The following EIF3J variants were observed in gnomAD, a reference collection of about 807,000 sequenced individuals.
EIF3J encodes the protein eukaryotic translation initiation factor 3, subunit 1 (alpha, 35kD).
Under a neutral mutation model 39.0 loss-of-function variants are expected in EIF3J, and 15 were observed. The ratio of observed to expected loss-of-function variants is 0.38; its 90% confidence interval spans 0.26 to 0.59. The LOEUF is 0.59. Among genes scored for constraint, EIF3J ranks in the 20% least tolerant of loss-of-function variants. The probability of loss-of-function intolerance (pLI) is 0.60; values close to 1 mark genes in which losing one functional copy is unlikely to be tolerated. For missense variants in EIF3J, 226 were observed against 308.6 expected (o/e 0.73, Z 2.00); for synonymous variants, 98 against 112.9 (o/e 0.87, Z 0.84).
intron 2 of EIF3J, among the ~76,000 whole-genome samples, chr15:44,550,410 G>T (rs1026233046): frequency 2.0e-5 from 3 of 151,922 alleles, no homozygotes; most frequent in Non-Finnish European, 4.4e-5. Flanking sequence ...TCCCACCTTA[G>T]CCTCTCAAGT....
At chr15:44,548,679 T>G (rs1297168874) in intron 2 of EIF3J, among the ~76,000 whole-genome samples, 2 of 152,178 alleles carry the variant, frequency 1.3e-5, no homozygotes, top group Non-Finnish European at 2.9e-5. Flanking sequence ...GCCTTCTTGC[T>G]CTATTATCCT....
intron 4 of EIF3J, among the ~76,000 whole-genome samples, chr15:44,553,966 G>A (rs1378172499): frequency 6.6e-6 from 1 of 152,100 alleles, no homozygotes; most frequent in Non-Finnish European, 1.5e-5. Context: ...GGTTATAGAA[G>A]TAACCCCAGT....
At chr15:44,559,706 CAA>C (rs557407192) in intron 6 of EIF3J, among the ~76,000 whole-genome samples, 32 of 125,872 alleles carry the variant, frequency 2.5e-4, no homozygotes, top group African/African-American at 6.0e-4. Context: ...GACTCCATCT[CAA>C]AAAAAAAAAA....
intron 2 of EIF3J, among the ~76,000 whole-genome samples, chr15:44,538,575 G>T (rs954944552): frequency 1.3e-5 from 2 of 152,174 alleles, no homozygotes; most frequent in Non-Finnish European, 2.9e-5. Context: ...TCCCCAGTCC[G>T]ATGAGGTTGG....
In EIF3J at chr15:44,560,635, TACTC is replaced by T. The variant is rs754178173; in HGVS notation, c.645+317_645+320del. ...CTCCCTTCTAAAATAGGAACAATAA[TACTC>T]ACTTTGCAGAGTATTTATAAGAGTA... On this transcript the variant is annotated intron_variant, in intron 7 of 7. Coordinates refer to ENST00000261868, the MANE Select transcript of EIF3J (RefSeq NM_003758.4). The T allele has an allele frequency of 1.2e-4, 42 of 350,824 alleles. 1 individual carries two copies. Among genetic ancestry groups the T allele is most frequent in the South Asian group, 4.4e-4 (7 of 15,850 alleles). The allele number at this position is 350,824 out of a possible 1,614,324, so 21.7% of individuals were successfully genotyped here.
intron 2 of EIF3J, among the ~76,000 whole-genome samples, chr15:44,548,092 T>C (rs2082069151): frequency 1.3e-5 from 2 of 152,202 alleles, no homozygotes; most frequent in African/African-American, 4.8e-5. Flanking sequence ...AAGGAAGGAC[T>C]AGCTCTAGCT....
rs1001375301 is a variant in EIF3J at position 44,562,011 on chromosome 15, TGTTATG to T, written c.*863_*868del. 2.8e-4 allele frequency: 42 copies of T among 152,630 alleles called. No individual in the cohort carries two copies. The highest frequency in any genetic ancestry group is 9.9e-4 in the African/African-American group (41 of 41,438). The allele number at this position is 152,630 out of a possible 1,614,324, so 9.5% of individuals were successfully genotyped here. On this transcript the variant is annotated 3_prime_UTR_variant, in exon 8 of 8. Transcript: ENST00000261868. ...ACCAGTTAACTACAGTTTGGTAAAT[TGTTATG>T]TTAACAATTATGACATCTGCAATGT...
At chr15:44,547,683 C>T (rs956085621) in intron 2 of EIF3J, among the ~76,000 whole-genome samples, 8 of 151,218 alleles carry the variant, frequency 5.3e-5, no homozygotes, top group African/African-American at 1.9e-4. Flanking sequence ...CTCCTGACCT[C>T]GTGATCCGCC....
chr15:44,537,745 G>C (rs1343065289), intron 2 of EIF3J, among the ~76,000 whole-genome samples: 1 of 152,254 alleles, frequency 6.6e-6, no homozygotes, highest in Non-Finnish European at 1.5e-5. Flanking sequence ...TCGCAGGAAT[G>C]AGACCGGGAA....
intron 2 of EIF3J, among the ~76,000 whole-genome samples, chr15:44,549,988 A>T (rs2082086142): frequency 6.6e-6 from 1 of 151,598 alleles, no homozygotes; most frequent in Non-Finnish European, 1.5e-5. Flanking sequence ...ATTTTATTGC[A>T]TAAATTTGTT....
chr15:44,550,375 T>G (rs1038873221), intron 2 of EIF3J, among the ~76,000 whole-genome samples: 2 of 152,152 alleles, frequency 1.3e-5, no homozygotes, highest in Admixed American at 1.3e-4. Context: ...CACTGCAGCC[T>G]TAACCTCCTG....
chr15:44,562,091 T>G lies in EIF3J; in HGVS notation c.*942T>G, dbSNP rs1384243847. Reference sequence around the variant, plus strand: ...AAATCACTGTTGTGAGGACTTAAATTTTGTGTTACCTCCCAAGAGATACTT... The same window carrying G: ...AAATCACTGTTGTGAGGACTTAAATGTTGTGTTACCTCCCAAGAGATACTT... On this transcript the variant is annotated 3_prime_UTR_variant, in exon 8 of 8. Transcript: ENST00000261868. 4 of 152,654 alleles carry G rather than the reference T, an allele frequency of 2.6e-5. No homozygotes were observed. Among genetic ancestry groups the G allele is most frequent in the Non-Finnish European group, 5.9e-5 (4 of 68,040 alleles). 9.5% of individuals were successfully genotyped at this position (152,654 alleles called of 1,614,324 possible).
At chr15:44,539,365 G>C (rs1435238319) in intron 2 of EIF3J, among the ~76,000 whole-genome samples, 2 of 151,464 alleles carry the variant, frequency 1.3e-5, no homozygotes. Flanking sequence ...ACAAGTTTTG[G>C]ATATTTACAA....
intron 6 of EIF3J, 112 bp from the exon 7 acceptor site, chr15:44,560,137 T>C (rs1222794857): frequency 2.5e-6 from 2 of 803,738 alleles, no homozygotes; most frequent in Non-Finnish European, 3.8e-6. Flanking sequence ...CATAACACTT[T>C]TGGAATGTAC....
At chr15:44,554,412 A>G (rs564382279) in intron 4 of EIF3J, 141 bp from the exon 5 acceptor site, 5 of 246,092 alleles carry the variant, frequency 2.0e-5, no homozygotes, top group Admixed American at 5.8e-5. Flanking sequence ...TAAAGTGTTT[A>G]GAAGAATGCC....
chr15:44,544,667 G>A (rs1395977521), intron 2 of EIF3J, among the ~76,000 whole-genome samples: 3 of 138,266 alleles, frequency 2.2e-5, no homozygotes. Flanking sequence ...TCGTGCCATT[G>A]CACTCCAGCC....
At chr15:44,544,098 C>CTTTTTTTTTTTTT (rs10630378) in intron 2 of EIF3J, among the ~76,000 whole-genome samples, 1 of 134,072 alleles carries the variant, frequency 7.5e-6, no homozygotes, top group African/African-American at 2.8e-5. Context: ...CTTTTCTTTT[C>CTTTTTTTTTTTTT]TTTTTTTTTT....
chr15:44,551,347 A>T, intron 3 of EIF3J, 84 bp from the exon 4 acceptor site: 1 of 878,104 alleles, frequency 1.1e-6, no homozygotes, highest in Non-Finnish European at 1.7e-6. Flanking sequence ...TTGGTCTCTT[A>T]ATAGTATACA....
intron 2 of EIF3J, among the ~76,000 whole-genome samples, chr15:44,547,841 A>G (rs1241610101): frequency 1.3e-5 from 2 of 152,152 alleles, no homozygotes; most frequent in Non-Finnish European, 2.9e-5. Flanking sequence ...TAAATGAGCT[A>G]TTGGCCAGAG....
Sources: allele counts gnomAD v4.1 joint callset (sites outside exome capture counted in the v4.1 genomes callset), GRCh38; gene constraint gnomAD v4.1.1; transcripts MANE v1.5; gene names NCBI Gene and HGNC (gene_info 2026-07-23, HGNC 2026-07-21).